Variants in LARS1 observed in about 807,000 individuals in gnomAD.
LARS1 encodes the protein leucyl-tRNA synthetase 1.
A neutral mutation model predicts 162.8 loss-of-function variants in LARS1; 100 were observed. The observed-to-expected ratio is 0.61, with a 90% CI of 0.52 to 0.73. LARS1 has a LOEUF of 0.73. LARS1 is among the 30% of genes least tolerant of loss of function. LARS1 has a pLI of 0.00. For synonymous variants in LARS1, 457 were observed against 462.8 expected, an observed-to-expected ratio of 0.99 and a Z score of 0.16; for missense variants, 1,258 against 1,408.9, an observed-to-expected ratio of 0.89 and a Z score of 1.71.
intron 4 of LARS1, among the ~76,000 whole-genome samples, chr5:146,169,968 G>A (rs904770509): frequency 2.6e-5 from 4 of 152,026 alleles, no homozygotes; most frequent in Non-Finnish European, 5.9e-5. Flanking sequence ...GTGATACAAT[G>A]GTAAGTTAAT....
chr5:146,171,522 G>A (rs79194156), intron 4 of LARS1, among the ~76,000 whole-genome samples: 3,520 of 152,026 alleles, frequency 0.023, 56 homozygotes, highest in Middle Eastern at 0.038. Context: ...GACAAATGAA[G>A]ATATTTGCAA....
At chr5:146,148,887 C>T (rs1753136775) in intron 15 of LARS1, among the ~76,000 whole-genome samples, 1 of 151,902 alleles carries the variant, frequency 6.6e-6, no homozygotes, top group Non-Finnish European at 1.5e-5. Flanking sequence ...ACCAGCCTGA[C>T]CAACATGGAG....
chr5:146,182,403 C>T, intron 1 of LARS1, 85 bp downstream of exon 1: 3 of 1,555,836 alleles, frequency 1.9e-6, no homozygotes, highest in Admixed American at 1.7e-5. Context: ...AAAGGACTTT[C>T]CCTTCAGGAC....
intron 7 of LARS1, 22 bp from the exon 8 acceptor site, chr5:146,159,492 A>G (rs1207161108): frequency 6.4e-7 from 1 of 1,558,936 alleles, no homozygotes; most frequent in East Asian, 2.2e-5. Context: ...ACAAAAAGTG[A>G]CAAACATTAT....
chr5:146,148,797 C>T (rs958740874), intron 15 of LARS1, among the ~76,000 whole-genome samples: 3 of 152,084 alleles, frequency 2.0e-5, no homozygotes, highest in East Asian at 1.9e-4. Context: ...GGAGATTAGC[C>T]GGGCATGGTG....
At chr5:146,128,805 A>G in intron 26 of LARS1, 23 bp from the exon 27 acceptor site, 1 of 1,581,482 alleles carries the variant, frequency 6.3e-7, no homozygotes, top group Non-Finnish European at 8.6e-7. Context: ...AGAAAGGAAA[A>G]ACATTCAATA....
intron 15 of LARS1, among the ~76,000 whole-genome samples, chr5:146,145,535 A>G (rs1397066740): frequency 6.6e-6 from 1 of 152,240 alleles, no homozygotes; most frequent in African/African-American, 2.4e-5. Flanking sequence ...TTTACCAAAT[A>G]TAAATCTTTC....
At chr5:146,167,106 T>G (rs1338184492) in intron 5 of LARS1, among the ~76,000 whole-genome samples, 2 of 152,022 alleles carry the variant, frequency 1.3e-5, no homozygotes, top group African/African-American at 4.8e-5. Context: ...ATAAAGGTCA[T>G]AGAAGAAAAC....
chr5:146,160,275 A>C, intron 7 of LARS1, 99 bp downstream of exon 7: 8 of 558,320 alleles, frequency 1.4e-5, no homozygotes, highest in East Asian at 3.9e-5. Context: ...GCCTCAAGCA[A>C]TCCCCTCACC....
chr5:146,160,265 G>A, intron 7 of LARS1, 109 bp downstream of exon 7: 2 of 539,142 alleles, frequency 3.7e-6, no homozygotes, highest in South Asian at 5.6e-5. Flanking sequence ...CAAACTCCTG[G>A]CCTCAAGCAA....
intron 4 of LARS1, 117 bp downstream of exon 4, chr5:146,171,793 C>G (rs1411770828): frequency 3.1e-6 from 2 of 654,752 alleles, no homozygotes; most frequent in Non-Finnish European, 5.2e-6. Flanking sequence ...ATAATAAATT[C>G]AACTCATTTC....
At position 146,131,050 on chromosome 5, in the gene LARS1, T is replaced by G. The variant is rs1399769875; in HGVS notation, c.2456A>C (p.Glu819Ala). ...CTCAAAAAACCCTGTTTTCAAAGCT[T>G]CTTTAAACATCATCTTTTCATAGTT... The part of the protein sequence containing the change: ...DQNYEKMMFK[E>A]ALKTGFFEFQ... Residue 819 changes from glutamate to alanine, a missense_variant, in exon 24 of 32, where the codon GAA (glutamate) becomes GCA (alanine). Physicochemically the swap from Glu to Ala is moderately radical, Grantham distance 107. Coordinates refer to ENST00000394434, the MANE Select transcript of LARS1 (RefSeq NM_020117.11). 6.3e-7 allele frequency: 1 copy of G among 1,598,952 alleles called. No individual in the cohort carries two copies. Among genetic ancestry groups the G allele is most frequent in the Non-Finnish European group, 8.5e-7 (1 of 1,170,250 alleles).
At chr5:146,114,721 G>A (rs1312931027) in intron 31 of LARS1, among the ~76,000 whole-genome samples, 1 of 151,866 alleles carries the variant, frequency 6.6e-6, no homozygotes, top group African/African-American at 2.4e-5. Flanking sequence ...GGGCAACAAA[G>A]TGAGACTCTA....
chr5:146,140,280 A>G lies in LARS1; in HGVS notation c.2091-19T>C, dbSNP rs1752713964. The G allele has an allele frequency of 8.8e-6, 14 of 1,585,864 alleles. No homozygotes were observed. Among genetic ancestry groups the G allele is most frequent in the Non-Finnish European group, 1.2e-5 (14 of 1,156,760 alleles). ...TTTGTCACTTCACAGATAAATGTTT[A>G]AAGATAGAAAATAAAAAAACAAAGA... On this transcript the variant is annotated intron_variant, in intron 20 of 31. Coordinates refer to ENST00000394434, the MANE Select transcript of LARS1 (RefSeq NM_020117.11).
intron 31 of LARS1, among the ~76,000 whole-genome samples, chr5:146,117,842 G>C (rs900108414): frequency 6.6e-6 from 1 of 152,154 alleles, no homozygotes; most frequent in African/African-American, 2.4e-5. Context: ...AAAATATTGT[G>C]TGATTCCAAT....
intron 30 of LARS1, among the ~76,000 whole-genome samples, chr5:146,121,098 T>A (rs1581004016): frequency 6.6e-6 from 1 of 152,282 alleles, no homozygotes; most frequent in Middle Eastern, 3.4e-3. Flanking sequence ...TATATTTGTA[T>A]AAGGAATATT....
rs1764098594 is a variant in LARS1 at position 146,114,218 on chromosome 5, G to A, written c.3419C>T (p.Pro1140Leu). ...VLGKEYTEKTPISEHAVFNVD... is the reference protein window; with the variant it reads ...VLGKEYTEKTLISEHAVFNVD... The stretch of plus-strand genomic sequence containing the variant: ...ATTGAAAACAGCATGCTCAGAAATG[G>A]GGGTCTTCTCGGTGTACTCCTTTCC... Residue 1140 changes from proline (P) to leucine (L), a missense_variant, in exon 32 of 32, where the codon CCC (proline) becomes CTC (leucine). Physicochemically the swap from Pro to Leu is moderately conservative, Grantham distance 98. Transcript: ENST00000394434. The A allele has an allele frequency of 6.2e-7, 1 of 1,613,578 alleles. No individual in the cohort carries two copies. Among genetic ancestry groups the A allele is most frequent in the Admixed American group, 1.7e-5 (1 of 59,946 alleles).
intron 10 of LARS1, among the ~76,000 whole-genome samples, chr5:146,154,327 A>T (rs933989982): frequency 6.6e-6 from 1 of 152,210 alleles, no homozygotes; most frequent in Non-Finnish European, 1.5e-5. Context: ...CTACAGGTGC[A>T]TACCACTGCA....
chr5:146,168,929 G>C (rs77415333), intron 4 of LARS1, among the ~76,000 whole-genome samples: 1 of 151,882 alleles, frequency 6.6e-6, no homozygotes, highest in African/African-American at 2.4e-5. Flanking sequence ...CTGTCAGGAG[G>C]GGGGAGGGAT....
Sources: allele counts gnomAD v4.1 joint callset (sites outside exome capture counted in the v4.1 genomes callset), GRCh38; gene constraint gnomAD v4.1.1; transcripts MANE v1.5; gene names NCBI Gene and HGNC (gene_info 2026-07-23, HGNC 2026-07-21).